RAB6A: variants seen among roughly 807,000 people sequenced by gnomAD.
The protein encoded by RAB6A is RAB6A, member RAS oncogene family, also known as ras-related protein Rab-6A.
A neutral mutation model predicts 32.3 loss-of-function variants in RAB6A; 8 were observed. That is an observed-to-expected ratio of 0.25 (90% CI 0.15 to 0.45). RAB6A has a LOEUF of 0.45. RAB6A is among the 20% of genes least tolerant of loss of function. The probability of loss-of-function intolerance (pLI) is 1.00; values close to 1 mark genes in which losing one functional copy is unlikely to be tolerated. For synonymous variants in RAB6A, 73 were observed against 82.1 expected (o/e 0.89, Z 0.60); for missense variants, 104 against 249.4 (o/e 0.42, Z 3.93).
intron 6 of RAB6A, among the ~76,000 whole-genome samples, chr11:73,695,141 C>T (rs1945636712): frequency 6.6e-6 from 1 of 152,066 alleles, no homozygotes; most frequent in African/African-American, 2.4e-5. Flanking sequence ...GAATCAGTGT[C>T]ACTAACCTAA....
At chr11:73,714,209 A>AAATATAT (rs35864471) in intron 5 of RAB6A, among the ~76,000 whole-genome samples, 41 of 57,552 alleles carry the variant, frequency 7.1e-4, no homozygotes, top group African/African-American at 8.7e-4. Flanking sequence ...AAAAAAAAAA[A>AAATATAT]ATATATATAT....
chr11:73,714,229 T>TATATATATATATATATAC (rs79775489), intron 5 of RAB6A, among the ~76,000 whole-genome samples: 3 of 117,512 alleles, frequency 2.6e-5, no homozygotes, highest in African/African-American at 9.0e-5. Context: ...TATATATATA[T>TATATATATATATATATAC]ACACACATAT....
intron 2 of RAB6A, among the ~76,000 whole-genome samples, chr11:73,725,610 C>G (rs988681839): frequency 7.9e-5 from 12 of 152,122 alleles, no homozygotes; most frequent in Non-Finnish European, 1.3e-4. Context: ...ATGAAACCAT[C>G]AGATCTCGTA....
intron 1 of RAB6A, among the ~76,000 whole-genome samples, chr11:73,742,450 T>C (rs1426424629): frequency 1.3e-5 from 2 of 152,118 alleles, no homozygotes; most frequent in Admixed American, 1.3e-4. Context: ...AAAAACTTGT[T>C]TAACTACATA....
intron 2 of RAB6A, among the ~76,000 whole-genome samples, chr11:73,725,535 G>A (rs1028951298): frequency 1.6e-4 from 24 of 152,182 alleles, no homozygotes; most frequent in African/African-American, 4.8e-4. Flanking sequence ...AGTGGAAGGC[G>A]AAAGGTACTT....
intron 6 of RAB6A, among the ~76,000 whole-genome samples, chr11:73,691,920 C>A (rs1044817643): frequency 2.0e-5 from 3 of 151,890 alleles, no homozygotes; most frequent in Non-Finnish European, 4.4e-5. Flanking sequence ...TTGCAGTGAG[C>A]CGAGATCACA....
At chr11:73,751,048 T>A (rs1421012939) in intron 1 of RAB6A, among the ~76,000 whole-genome samples, 1 of 152,078 alleles carries the variant, frequency 6.6e-6, no homozygotes, top group African/African-American at 2.4e-5. Flanking sequence ...CAAGCAATCC[T>A]CCCGCCTTAG....
intron 1 of RAB6A, among the ~76,000 whole-genome samples, chr11:73,731,915 G>A (rs1341532951): frequency 2.0e-5 from 3 of 149,458 alleles, no homozygotes; most frequent in African/African-American, 7.4e-5. Context: ...CTAATTTTTT[G>A]TTATTTTTAG....
intron 6 of RAB6A, 75 bp downstream of exon 6, chr11:73,707,345 C>A: frequency 9.3e-7 from 1 of 1,071,734 alleles, no homozygotes; most frequent in Non-Finnish European, 1.4e-6. Flanking sequence ...TGGAAGGAAA[C>A]CTATACACCA....
intron 6 of RAB6A, among the ~76,000 whole-genome samples, chr11:73,692,423 A>C (rs1033806490): frequency 1.3e-5 from 2 of 148,780 alleles, no homozygotes; most frequent in Admixed American, 6.7e-5. Context: ...GAATGGCGTG[A>C]ACCCGGGAGG....
chr11:73,700,607 T>TGGGGGGGGGGG (rs1565352763), intron 6 of RAB6A, among the ~76,000 whole-genome samples: 1 of 2,148 alleles, frequency 4.7e-4, no homozygotes, highest in Non-Finnish European at 7.9e-4. Flanking sequence ...AAAGTGTGTG[T>TGGGGGGGGGGG]GTGGGGGGGG....
At chr11:73,712,799 C>A (rs2134933829) in intron 5 of RAB6A, among the ~76,000 whole-genome samples, 1 of 150,092 alleles carries the variant, frequency 6.7e-6, no homozygotes. Context: ...AGATCACTGA[C>A]CTCTCCCTCC....
chr11:73,699,152 C>T (rs1945702868), intron 6 of RAB6A, among the ~76,000 whole-genome samples: 1 of 152,096 alleles, frequency 6.6e-6, no homozygotes, highest in African/African-American at 2.4e-5. Flanking sequence ...TGCGCCAGGC[C>T]GATAATGCTG....
chr11:73,758,734 C>T (rs187840473), intron 1 of RAB6A, among the ~76,000 whole-genome samples: 75 of 152,278 alleles, frequency 4.9e-4, no homozygotes, highest in Non-Finnish European at 7.6e-4. Flanking sequence ...AGCTGTGCAT[C>T]ACAACATAAG....
chr11:73,694,134 C>T (rs767720634), intron 6 of RAB6A, among the ~76,000 whole-genome samples: 10 of 152,062 alleles, frequency 6.6e-5, no homozygotes, highest in Non-Finnish European at 1.0e-4. Context: ...CTGAGCCATT[C>T]GTGTTTTATT....
At chr11:73,698,254 A>G (rs1173370834) in intron 6 of RAB6A, among the ~76,000 whole-genome samples, 1 of 152,112 alleles carries the variant, frequency 6.6e-6, no homozygotes, top group African/African-American at 2.4e-5. Context: ...ATAAAGTCCT[A>G]CTGTGTTAAG....
At chr11:73,760,167 G>A in intron 1 of RAB6A, 1 of 1,191,786 alleles carries the variant, frequency 8.4e-7, no homozygotes, top group Non-Finnish European at 1.1e-6. Context: ...CCCTGAGTGG[G>A]CCTCACAGAG....
intron 2 of RAB6A, among the ~76,000 whole-genome samples, chr11:73,722,056 G>GTGTGTGT (rs1555061901): frequency 1.3e-5 from 2 of 150,938 alleles, no homozygotes; most frequent in Non-Finnish European, 3.0e-5. Flanking sequence ...CTTCTGCCAT[G>GTGTGTGT]ATTGTAAGTT....
intron 1 of RAB6A, among the ~76,000 whole-genome samples, chr11:73,754,212 G>A (rs1333503571): frequency 6.6e-6 from 1 of 152,134 alleles, no homozygotes; most frequent in African/African-American, 2.4e-5. Context: ...TTAACTGTAT[G>A]TACCACGCAG....
Sources: allele counts gnomAD v4.1 joint callset (sites outside exome capture counted in the v4.1 genomes callset), GRCh38; gene constraint gnomAD v4.1.1; transcripts MANE v1.5; gene names NCBI Gene and HGNC (gene_info 2026-07-23, HGNC 2026-07-21).